SPEG: variants seen among roughly 807,000 people sequenced by gnomAD.
SPEG encodes the protein striated muscle enriched protein kinase, also known as striated muscle preferentially expressed protein kinase.
Under a neutral mutation model 300.4 loss-of-function variants are expected in SPEG, and 114 were observed. The ratio of observed to expected loss-of-function variants is 0.38; its 90% CI spans 0.33 to 0.44. The LOEUF (loss-of-function observed/expected upper bound fraction) is 0.44, where lower values mean the gene tolerates loss of function less well. Among genes scored for constraint, SPEG ranks in the 20% least tolerant of loss-of-function variants. The probability of loss-of-function intolerance (pLI) is 1.00; values close to 1 mark genes in which losing one functional copy is unlikely to be tolerated. For missense variants in SPEG, 4,201 were observed against 4,586.2 expected, an observed-to-expected ratio of 0.92 and a Z score of 2.43; for synonymous variants, 1,964 against 2,018.9, an observed-to-expected ratio of 0.97 and a Z score of 0.73.
Position 219,464,370 on chromosome 2 carries a change from C to T in SPEG, c.2706-63C>T. 1 of 1,515,986 alleles carries T rather than the reference C, an allele frequency of 6.6e-7. No individual in the cohort carries two copies. The highest frequency in any genetic ancestry group is 8.9e-7 in the Non-Finnish European group (1 of 1,119,590). 93.9% of individuals were successfully genotyped at this position (1,515,986 alleles called of 1,614,324 possible). A position where few individuals can be genotyped will look rare whatever the true frequency, so the allele number is the denominator to read the frequency against. On this transcript the variant is annotated intron_variant, in intron 8 of 40. Transcript: ENST00000312358. The surrounding 1 kb of genome is among the most constrained non-coding windows in gnomAD (Gnocchi z 4.5). ...AGAGGCCTGCACAGTGCTGCAGCCCCAGTTCCTGTGCACGCACATCAGGCC... is the reference window on the plus strand; with the variant it reads ...AGAGGCCTGCACAGTGCTGCAGCCCTAGTTCCTGTGCACGCACATCAGGCC...
At chr2:219,467,065 G>C (rs900447837) in intron 9 of SPEG, 109 bp from the exon 10 acceptor site, 65 of 1,355,058 alleles carry the variant, frequency 4.8e-5, no homozygotes, top group Non-Finnish European at 6.4e-5. Flanking sequence ...AGAACAAAAT[G>C]CATCTCTCTC....
At chr2:219,472,807 GA>G (rs1692002454) in intron 15 of SPEG, 82 bp from the exon 16 acceptor site, 1 of 1,146,254 alleles carries the variant, frequency 8.7e-7, no homozygotes, top group Admixed American at 2.5e-5. Context: ...GACTAATGAT[GA>G]GTTCCAGGGT....
Position 219,490,501 on chromosome 2 carries a change from G to A in SPEG, c.9014G>A (p.Arg3005Gln), listed in dbSNP as rs756996353. The part of the protein sequence containing the change: ...KIVPYAAEGK[R>Q]RVLQEYEVLR... ...GTGCCCTATGCTGCCGAGGGCAAGC[G>A]GCGGGTCCTGCAGGAGTACGAGGTG... The change falls in exon 37 of 41, where the codon CGG becomes CAG. Residue 3005 changes from arginine to glutamine, a missense_variant. By Grantham distance (43) the Arg-to-Gln change is conservative. Transcript: ENST00000312358. 3.1e-6 allele frequency: 5 copies of A among 1,612,316 alleles called. No individual in the cohort carries two copies. The highest frequency in any genetic ancestry group is 4.5e-5 in the East Asian group (2 of 44,896).
chr2:219,485,904 G>A (rs1415063637), intron 31 of SPEG, among the ~76,000 whole-genome samples: 2 of 152,026 alleles, frequency 1.3e-5, no homozygotes, highest in Non-Finnish European at 2.9e-5. Flanking sequence ...GGAGACCCTA[G>A]AATGTTTCTG....
chr2:219,450,455 C>T (rs1385460852), intron 4 of SPEG, among the ~76,000 whole-genome samples: 1 of 152,174 alleles, frequency 6.6e-6, no homozygotes, highest in African/African-American at 2.4e-5. Flanking sequence ...GGAGAATGCC[C>T]AGAGACCCAT....
Position 219,471,999 on chromosome 2 carries a change from AC to A in SPEG, c.3835+15del. On this transcript the variant is annotated intron_variant, in intron 14 of 40. Coordinates refer to ENST00000312358, the MANE Select transcript of SPEG (RefSeq NM_005876.5). ...CCTGTATGTCACAGGTGAGGCAGGC[AC>A]CCTCGTGGTCAGCTGCACGCACAGC... 1 of 1,609,980 alleles carries A rather than the reference AC, an allele frequency of 6.2e-7. No homozygotes were observed. Among genetic ancestry groups the A allele is most frequent in the Non-Finnish European group, 8.5e-7 (1 of 1,179,864 alleles).
chr2:219,490,285 A>C, intron 36 of SPEG, 124 bp from the exon 37 acceptor site: 2 of 1,352,886 alleles, frequency 1.5e-6, no homozygotes, highest in Non-Finnish European at 2.0e-6. Context: ...TGAACTCTGG[A>C]GCCCACACTG....
At chr2:219,488,166 T>C in intron 31 of SPEG, 28 bp from the exon 32 acceptor site, 2 of 1,531,774 alleles carry the variant, frequency 1.3e-6, no homozygotes, top group South Asian at 1.1e-5. Flanking sequence ...TCCCTACAGA[T>C]AGATGGCTGT....
At chr2:219,471,794 C>T in intron 13 of SPEG, 74 bp from the exon 14 acceptor site, 1 of 1,585,282 alleles carries the variant, frequency 6.3e-7, no homozygotes, top group Non-Finnish European at 8.6e-7. Flanking sequence ...GGGACCAGGC[C>T]CGGGATGGCA....
rs757583693 is a variant in SPEG, at chr2:219,469,285, A to G, written c.3621A>G (p.Leu1207=). 4 of 1,613,912 alleles carry G rather than the reference A, an allele frequency of 2.5e-6. No individual in the cohort carries two copies. Among genetic ancestry groups the G allele is most frequent in the Admixed American group, 3.3e-5 (2 of 60,012 alleles). Residue 1207 remains leucine (L), a synonymous_variant, in exon 13 of 41, where the codon CTA becomes CTG. Transcript: ENST00000312358. The stretch of plus-strand genomic sequence containing the variant: ...TGGGACTGGCCAAGGAGGCCATGCT[A>G]GAGTGCCAGGTGACCGGCCTGCCCT... ...LEVGLAKEAM[L]ECQVTGLPYP... is the part of the protein sequence containing the mutation.
Position 219,451,737 on chromosome 2 carries a change from G to T in SPEG, c.2370G>T (p.Gly790=). Reference sequence around the variant, plus strand: ...GGGAGGCCAGGGCAGCAGATGCCGGGAGCTATATGGCCACCGCCACCAACG... The same window carrying T: ...GGGAGGCCAGGGCAGCAGATGCCGGTAGCTATATGGCCACCGCCACCAACG... The part of the protein sequence containing the change: ...LLREARAADA[G]SYMATATNEL... The change falls in exon 6 of 41, where the codon GGG becomes GGT. Residue 790 remains glycine, a synonymous_variant. Transcript: ENST00000312358. This position sits in a 1 kb window ranked among gnomAD's most constrained non-coding sequence, Gnocchi z 6.4. 1.9e-6 allele frequency: 3 copies of T among 1,560,826 alleles called. No homozygotes were observed. The highest frequency in any genetic ancestry group is 2.4e-5 in the South Asian group (2 of 84,634).
intron 15 of SPEG, 131 bp downstream of exon 15, chr2:219,472,462 C>T: frequency 1.3e-6 from 1 of 750,340 alleles, no homozygotes. Context: ...GCTGGTGGGA[C>T]CAGCTTTGCC....
intron 10 of SPEG, among the ~76,000 whole-genome samples, chr2:219,468,107 C>T (rs1559394853): frequency 6.6e-6 from 1 of 152,190 alleles, no homozygotes; most frequent in Non-Finnish European, 1.5e-5. Flanking sequence ...CTTATCTCCT[C>T]CAGAAGCTTC....
Position 219,479,270 on chromosome 2 carries a change from C to A in SPEG, c.5085+69C>A. The A allele has an allele frequency of 7.3e-7, 1 of 1,362,670 alleles. No individual in the cohort carries two copies. The highest frequency in any genetic ancestry group is 1.0e-6 in the Non-Finnish European group (1 of 961,632). 84.4% of individuals were successfully genotyped at this position (1,362,670 alleles called of 1,614,324 possible). A position where few individuals can be genotyped will look rare whatever the true frequency, so the allele number is the denominator to read the frequency against. ...CACCCACCTGAGCTTTGAGAACCAA[C>A]AAATGGGTCCTGAGTGTGCCATCTG... On this transcript the variant is annotated intron_variant, in intron 23 of 40. Transcript: ENST00000312358. The surrounding 1 kb of genome is among the most constrained non-coding windows in gnomAD (Gnocchi z 5.5).
At chr2:219,491,664 G>A (rs1693982315) in intron 38 of SPEG, 130 bp from the exon 39 acceptor site, 3 of 733,288 alleles carry the variant, frequency 4.1e-6, no homozygotes, top group African/African-American at 1.7e-5. Flanking sequence ...TTCAGGGCCT[G>A]CCACTCTGGA....
Position 219,460,692 on chromosome 2 carries a change from C to A in SPEG, c.2441-1190C>A. On this transcript the variant is annotated intron_variant, in intron 6 of 40. Coordinates refer to ENST00000312358, the MANE Select transcript of SPEG (RefSeq NM_005876.5). ...TCCCCTCTCCCCTCTCCTCCCCCTC[C>A]ACACCAGGGCCCAGGCTGCCTGTGG... The A allele has an allele frequency of 3.0e-6, 3 of 985,650 alleles. No homozygotes were observed. The African/African-American group carries it at 5.2e-5, about 17-fold the overall frequency. 61.1% of individuals were successfully genotyped at this position (985,650 alleles called of 1,614,324 possible).
intron 8 of SPEG, among the ~76,000 whole-genome samples, chr2:219,463,000 G>C (rs1353449245): frequency 6.6e-6 from 1 of 152,166 alleles, no homozygotes; most frequent in Non-Finnish European, 1.5e-5. Flanking sequence ...TTGAGCCAAG[G>C]AGTTGAAGAC....
Position 219,490,908 on chromosome 2 carries a change from C to G in SPEG, c.9337C>G (p.Gln3113Glu). 1.2e-6 allele frequency: 2 copies of G among 1,613,806 alleles called. No homozygotes were observed. The highest frequency in any genetic ancestry group is 1.7e-6 in the Non-Finnish European group (2 of 1,180,040). ...DFGSAQPYNP[Q>E]ALRPLGHRTG... ...TGGCAGTGCCCAGCCCTACAACCCC[C>G]AGGCCCTTAGGCCCCTTGGCCACCG... The change falls in exon 38 of 41, where the codon CAG (glutamine) becomes GAG (glutamate). Residue 3113 changes from glutamine to glutamate, a missense_variant. Around this residue, in one of 4 missense-constraint regions of SPEG, gnomAD observed 318 missense variants for 429.5 expected, o/e 0.74. Coordinates refer to ENST00000312358, the MANE Select transcript of SPEG (RefSeq NM_005876.5).
chr2:219,490,500 C>T lies in SPEG; in HGVS notation c.9013C>T (p.Arg3005Trp), dbSNP rs751153668. Residue 3005 changes from arginine (R) to tryptophan (W), a missense_variant, in exon 37 of 41, where the codon CGG becomes TGG. Arg to Trp is a moderately radical substitution (Grantham distance 101). Coordinates refer to ENST00000312358, the MANE Select transcript of SPEG (RefSeq NM_005876.5). ...CGTGCCCTATGCTGCCGAGGGCAAGCGGCGGGTCCTGCAGGAGTACGAGGT... is the reference window on the plus strand; with the variant it reads ...CGTGCCCTATGCTGCCGAGGGCAAGTGGCGGGTCCTGCAGGAGTACGAGGT... ...KIVPYAAEGKRRVLQEYEVLR... is the reference protein window; with the variant it reads ...KIVPYAAEGKWRVLQEYEVLR... 4.4e-5 allele frequency: 71 copies of T among 1,612,308 alleles called. No individual in the cohort carries two copies. Among genetic ancestry groups the T allele is most frequent in the Non-Finnish European group, 5.7e-5 (67 of 1,179,990 alleles).
Sources: allele counts gnomAD v4.1 joint callset (sites outside exome capture counted in the v4.1 genomes callset), GRCh38; gene constraint gnomAD v4.1.1; regional missense constraint gnomAD v4.1.1; non-coding constraint Gnocchi (gnomAD v3.1); transcripts MANE v1.5; gene names NCBI Gene and HGNC (gene_info 2026-07-23, HGNC 2026-07-21).